The following ATP5IF1 variants were observed in gnomAD, a reference collection of about 807,000 sequenced individuals.
The protein encoded by ATP5IF1 is ATPase inhibitor, mitochondrial.
ATP5IF1 carries 12 observed loss-of-function variants against 8.5 expected under a neutral mutation model. The observed-to-expected ratio is 1.41, with a 90% CI of 0.90 to 2.28. ATP5IF1 has a LOEUF of 2.28. ATP5IF1 is among the 30% of genes most tolerant of loss of function. The probability of loss-of-function intolerance (pLI) is 0.00; values close to 1 mark genes in which losing one functional copy is unlikely to be tolerated. For missense variants in ATP5IF1, 154 were observed against 140.2 expected, an observed-to-expected ratio of 1.10 and a Z score of -0.50; for synonymous variants, 51 against 53.4, an observed-to-expected ratio of 0.96 and a Z score of 0.19.
intron 2 of ATP5IF1, chr1:28,236,736 C>G: frequency 7.4e-7 from 1 of 1,348,508 alleles, no homozygotes. Context: ...TCATTACCAT[C>G]TCCCGCGTGG....
At chr1:28,236,899 T>G in intron 2 of ATP5IF1, 1 of 1,117,034 alleles carries the variant, frequency 9.0e-7, no homozygotes, top group Non-Finnish European at 1.1e-6. Flanking sequence ...GCCTTAGCTT[T>G]GCAAGCCTGC....
In ATP5IF1 at chr1:28,236,471, C is replaced by T. The variant is rs775139389; in HGVS notation, c.179+19C>T. The T allele has an allele frequency of 1.4e-5, 23 of 1,614,020 alleles. No homozygotes were observed. In the African/African-American group the frequency reaches 2.3e-4, roughly 16 times the overall value. ...ATTTCCGGTGAGGCTCACCGGGTCC[C>T]AAGTCCAGCCCTGGATCTCCCAATG... On this transcript the variant is annotated intron_variant, in intron 2 of 2. Coordinates refer to ENST00000335514, the MANE Select transcript of ATP5IF1 (RefSeq NM_016311.5).
At chr1:28,237,646 C>CT in intron 2 of ATP5IF1, 191 bp from the exon 3 acceptor site, 1 of 1,508,680 alleles carries the variant, frequency 6.6e-7, no homozygotes, top group Non-Finnish European at 8.8e-7. Context: ...GCTCTTTGGT[C>CT]TTCTTAAGAT....
chr1:28,236,156 A>C lies in ATP5IF1; in HGVS notation c.-28A>C. 6.2e-7 allele frequency: 1 copy of C among 1,609,616 alleles called. No individual in the cohort carries two copies. The highest frequency in any genetic ancestry group is 1.1e-5 in the South Asian group (1 of 91,046). On this transcript the variant is annotated 5_prime_UTR_variant, in exon 1 of 3. Coordinates refer to ENST00000335514, the MANE Select transcript of ATP5IF1 (RefSeq NM_016311.5). ...AACGAGAGACTGCTTGCTGCGGCAG[A>C]GACGCCAGAGGTGCAGCTCCAGCAG... is the stretch of plus-strand genomic sequence containing the variant.
intron 2 of ATP5IF1, chr1:28,237,371 A>G: frequency 5.7e-6 from 6 of 1,044,638 alleles, no homozygotes; most frequent in Non-Finnish European, 6.9e-6. Context: ...TTGAACTGCC[A>G]AGTACTGCGC....
Position 28,236,175 on chromosome 1 carries a change from C to T in ATP5IF1, c.-9C>T, listed in dbSNP as rs781679535. On this transcript the variant is annotated 5_prime_UTR_variant, in exon 1 of 3. Transcript: ENST00000335514. ...CGGCAGAGACGCCAGAGGTGCAGCTCCAGCAGCAATGGCAGTGACGGCGTT... is the reference window on the plus strand; with the variant it reads ...CGGCAGAGACGCCAGAGGTGCAGCTTCAGCAGCAATGGCAGTGACGGCGTT... The T allele has an allele frequency of 6.2e-7, 1 of 1,612,516 alleles. No individual in the cohort carries two copies. Among genetic ancestry groups the T allele is most frequent in the Non-Finnish European group, 8.5e-7 (1 of 1,179,908 alleles).
rs747992176 is a variant in ATP5IF1 at position 28,236,363 on chromosome 1, C to T, written c.90C>T (p.Ser30=). ...CCAGTGTCCCTGTCTCTCTGCAGTCCGAGAATGTCGACCGGGGCGCGGGCT... is the reference window on the plus strand; with the variant it reads ...CCAGTGTCCCTGTCTCTCTGCAGTCTGAGAATGTCGACCGGGGCGCGGGCT... ...MQARGFGSDQ[S]ENVDRGAGSI... The change falls in exon 2 of 3, where the codon TCC becomes TCT. Residue 30 remains serine (S), a splice_region_variant and synonymous_variant. Coordinates refer to ENST00000335514, the MANE Select transcript of ATP5IF1 (RefSeq NM_016311.5). 14 of 1,614,222 alleles carry T rather than the reference C, an allele frequency of 8.7e-6. No individual in the cohort carries two copies. Among genetic ancestry groups the T allele is most frequent in the Non-Finnish European group, 1.2e-5 (14 of 1,180,044 alleles).
chr1:28,236,557 C>A, intron 2 of ATP5IF1, 105 bp downstream of exon 2: 2 of 1,564,954 alleles, frequency 1.3e-6, no homozygotes, highest in East Asian at 2.4e-5. Flanking sequence ...CTTGGGCGCC[C>A]CATCCCCCAA....
At chr1:28,236,617 C>A in intron 2 of ATP5IF1, 165 bp downstream of exon 2, 2 of 1,528,160 alleles carry the variant, frequency 1.3e-6, no homozygotes, top group Non-Finnish European at 1.8e-6. Flanking sequence ...GATGTCCCGA[C>A]CGTTGCCACG....
At chr1:28,237,660 T>A in intron 2 of ATP5IF1, 177 bp from the exon 3 acceptor site, 1 of 1,546,628 alleles carries the variant, frequency 6.5e-7, no homozygotes, top group Non-Finnish European at 8.7e-7. Context: ...TTAAGATGGC[T>A]ACACCTCAAT....
intron 1 of ATP5IF1, 21 bp from the exon 2 acceptor site, chr1:28,236,340 A>G: frequency 1.2e-6 from 2 of 1,614,180 alleles, no homozygotes; most frequent in Non-Finnish European, 1.7e-6. Flanking sequence ...TACCTTTACC[A>G]GTGTCCCTGT....
At chr1:28,237,616 G>A (rs1647049920) in intron 2 of ATP5IF1, 1 of 1,466,882 alleles carries the variant, frequency 6.8e-7, no homozygotes, top group Admixed American at 2.8e-5. Flanking sequence ...CTATTTTAAA[G>A]AGGAATCTGA....
chr1:28,237,256 G>A (rs1327495520), intron 2 of ATP5IF1: 6 of 996,104 alleles, frequency 6.0e-6, no homozygotes, highest in African/African-American at 1.7e-5. Context: ...AGGTACAGCC[G>A]TTAGAGACTA....
intron 2 of ATP5IF1, 174 bp from the exon 3 acceptor site, chr1:28,237,663 A>C: frequency 6.5e-7 from 1 of 1,550,332 alleles, no homozygotes; most frequent in South Asian, 1.2e-5. Flanking sequence ...AGATGGCTAC[A>C]CCTCAATTTA....
intron 2 of ATP5IF1, chr1:28,236,681 C>T (rs1647039778): frequency 7.0e-7 from 1 of 1,436,766 alleles, no homozygotes; most frequent in Non-Finnish European, 9.1e-7. Flanking sequence ...AAACCGTTTC[C>T]ACCGGCGGGT....
chr1:28,236,985 G>A (rs1647043160), intron 2 of ATP5IF1: 2 of 1,036,760 alleles, frequency 1.9e-6, no homozygotes, highest in Non-Finnish European at 2.3e-6. Context: ...GGTCATGGGA[G>A]CTACTTATGG....
chr1:28,237,448 C>T, intron 2 of ATP5IF1: 3 of 1,220,874 alleles, frequency 2.5e-6, no homozygotes, highest in African/African-American at 1.6e-5. Context: ...AAGCTCTAGA[C>T]AGATTGGAAT....
chr1:28,237,677 TG>T, intron 2 of ATP5IF1, 159 bp from the exon 3 acceptor site: 4 of 1,574,044 alleles, frequency 2.5e-6, no homozygotes, highest in Non-Finnish European at 3.4e-6. Context: ...CAATTTAAGA[TG>T]GGGTATTCTT....
chr1:28,236,640 C>T (rs1224983736), intron 2 of ATP5IF1, 188 bp downstream of exon 2: 2 of 1,501,604 alleles, frequency 1.3e-6, no homozygotes, highest in African/African-American at 2.8e-5. Flanking sequence ...TAGGGCACTC[C>T]CAGTTACCTG....
Sources: allele counts gnomAD v4.1 joint callset, GRCh38; gene constraint gnomAD v4.1.1; transcripts MANE v1.5; gene names NCBI Gene and HGNC (gene_info 2026-07-23, HGNC 2026-07-21).